The following SND1 variants were observed in gnomAD, a reference collection of about 807,000 sequenced individuals.
SND1 encodes staphylococcal nuclease and tudor domain containing 1, also known as staphylococcal nuclease domain-containing protein 1.
Under a neutral mutation model 121.7 loss-of-function variants are expected in SND1, and 38 were observed. The ratio of observed to expected loss-of-function variants is 0.31; its 90% confidence interval spans 0.24 to 0.41. SND1 has a LOEUF of 0.41. Among genes scored for constraint, SND1 ranks in the 10% least tolerant of loss-of-function variants. SND1 has a pLI of 1.00. For synonymous variants in SND1, 401 were observed against 447.4 expected (o/e 0.90, Z 1.31); for missense variants, 868 against 1,184.6 (o/e 0.73, Z 3.92).
chr7:127,754,453 A>G (rs556616999), intron 10 of SND1, among the ~76,000 whole-genome samples: 1 of 152,338 alleles, frequency 6.6e-6, no homozygotes, highest in East Asian at 1.9e-4. Flanking sequence ...TTTCTCACTC[A>G]TATGTCCATA....
At chr7:127,817,988 G>A (rs191135661) in intron 11 of SND1, among the ~76,000 whole-genome samples, 258 of 151,974 alleles carry the variant, frequency 1.7e-3, no homozygotes, top group African/African-American at 5.9e-3. Flanking sequence ...AGAAGGGGTG[G>A]GATTTGTCCT....
At chr7:127,997,949 C>G in intron 16 of SND1, 1 of 534,826 alleles carries the variant, frequency 1.9e-6, no homozygotes, top group Non-Finnish European at 3.8e-6. Flanking sequence ...TCAGTTCCCA[C>G]AGCACCCTGT....
At position 127,674,812 on chromosome 7, in the gene SND1, A is replaced by G. The variant is rs576208121; in HGVS notation, c.79-11801A>G. ...GAGCTGGGTTTATTTTTTTCCTCCA[A>G]ATTTAATGTGCTTTTCGTATTTGTC... On this transcript the variant is annotated intron_variant, in intron 1 of 23. Coordinates refer to ENST00000354725, the MANE Select transcript of SND1 (RefSeq NM_014390.4). 2.0e-5 allele frequency among the ~76,000 whole-genome samples: 3 copies of G among 152,222 alleles called. 1 individual carries two copies. The South Asian group carries it at 6.2e-4, about 32-fold the overall frequency.
chr7:127,861,972 T>A (rs543517736), intron 12 of SND1, among the ~76,000 whole-genome samples: 36 of 152,346 alleles, frequency 2.4e-4, no homozygotes, highest in African/African-American at 8.7e-4. Flanking sequence ...TTTTTGACAT[T>A]GATAGACTAT....
At chr7:127,966,189 G>A (rs1469232420) in intron 15 of SND1, among the ~76,000 whole-genome samples, 2 of 150,678 alleles carry the variant, frequency 1.3e-5, no homozygotes, top group African/African-American at 2.4e-5. Flanking sequence ...CAATTTTGTT[G>A]ATCCTTTCAA....
chr7:127,975,769 G>A (rs566101403), intron 15 of SND1, among the ~76,000 whole-genome samples: 1 of 152,270 alleles, frequency 6.6e-6, no homozygotes, highest in Non-Finnish European at 1.5e-5. Context: ...TTTTGCCCTG[G>A]CATGAGACTT....
At chr7:127,879,649 G>A (rs188441166) in intron 12 of SND1, among the ~76,000 whole-genome samples, 5 of 152,222 alleles carry the variant, frequency 3.3e-5, no homozygotes, top group Admixed American at 2.0e-4. Flanking sequence ...AATCAATATC[G>A]GAACTCTGTC....
At chr7:127,940,887 T>A (rs982451626) in intron 15 of SND1, among the ~76,000 whole-genome samples, 2 of 152,230 alleles carry the variant, frequency 1.3e-5, no homozygotes, top group African/African-American at 4.8e-5. Context: ...CTGCTGGCCT[T>A]GAGGAGGCGT....
chr7:127,991,092 G>T, intron 16 of SND1, 36 bp downstream of exon 16: 1 of 1,520,834 alleles, frequency 6.6e-7, no homozygotes, highest in East Asian at 2.3e-5. Flanking sequence ...CTGTGAGGAG[G>T]GGTGACAAAA....
Position 127,832,200 on chromosome 7 carries a change from T to C in SND1, c.1243-12124T>C, listed in dbSNP as rs115536371. On this transcript the variant is annotated intron_variant, in intron 11 of 23. Coordinates refer to ENST00000354725, the MANE Select transcript of SND1 (RefSeq NM_014390.4). ...AAATCTCAACTTGTAATTATGCATTTGTGTTAAACTACTATGAATGCAAAG... is the reference window on the plus strand; with the variant it reads ...AAATCTCAACTTGTAATTATGCATTCGTGTTAAACTACTATGAATGCAAAG... Among the ~76,000 whole-genome samples the C allele has an allele frequency of 1.2e-3, 189 of 152,368 alleles. 1 individual carries two copies. Among genetic ancestry groups the C allele is most frequent in the African/African-American group, 3.4e-3 (143 of 41,588 alleles).
At chr7:127,920,608 A>G (rs1421276443) in intron 14 of SND1, among the ~76,000 whole-genome samples, 1 of 152,160 alleles carries the variant, frequency 6.6e-6, no homozygotes, top group African/African-American at 2.4e-5. Flanking sequence ...AAGCTTTTCT[A>G]TACAGCAAGA....
chr7:127,892,763 G>A (rs1800033097), intron 13 of SND1, among the ~76,000 whole-genome samples: 1 of 152,056 alleles, frequency 6.6e-6, no homozygotes, highest in African/African-American at 2.4e-5. Context: ...ACAGTTCTGA[G>A]AGTTCCAGTG....
At chr7:127,872,919 A>G (rs1336077517) in intron 12 of SND1, among the ~76,000 whole-genome samples, 2 of 152,150 alleles carry the variant, frequency 1.3e-5, no homozygotes, top group South Asian at 4.1e-4. Flanking sequence ...TCTTTGACCA[A>G]CAACAGACCT....
chr7:127,945,219 G>A (rs955463715), intron 15 of SND1, among the ~76,000 whole-genome samples: 28 of 152,344 alleles, frequency 1.8e-4, no homozygotes, highest in African/African-American at 6.0e-4. Context: ...AAGGCTGTGC[G>A]TGGTGGCTCA....
chr7:127,682,497 T>A (rs897007378), intron 1 of SND1, among the ~76,000 whole-genome samples: 2 of 152,248 alleles, frequency 1.3e-5, no homozygotes, highest in Non-Finnish European at 2.9e-5. Flanking sequence ...ATCATTTTTC[T>A]AGAATGTCAG....
At chr7:128,030,049 G>A in intron 16 of SND1, 1 of 1,613,326 alleles carries the variant, frequency 6.2e-7, no homozygotes. Context: ...AGATACTTGA[G>A]GTTGAACAGC....
intron 16 of SND1, among the ~76,000 whole-genome samples, chr7:128,017,967 C>T (rs962637975): frequency 2.6e-5 from 4 of 152,244 alleles, no homozygotes; most frequent in Non-Finnish European, 5.9e-5. Flanking sequence ...CAAGGGCTCT[C>T]TATCCAGCAT....
chr7:127,858,338 G>T, intron 12 of SND1: 1 of 1,309,540 alleles, frequency 7.6e-7, no homozygotes, highest in Non-Finnish European at 1.1e-6. Context: ...TCCTCCTCGG[G>T]CCCCCAGATG....
intron 1 of SND1, among the ~76,000 whole-genome samples, chr7:127,677,351 A>T (rs1795633875): frequency 6.6e-6 from 1 of 152,218 alleles, no homozygotes; most frequent in Non-Finnish European, 1.5e-5. Context: ...AATAACTTTC[A>T]AAGGTCACTG....
Sources: allele counts gnomAD v4.1 joint callset (sites outside exome capture counted in the v4.1 genomes callset), GRCh38; gene constraint gnomAD v4.1.1; transcripts MANE v1.5; gene names NCBI Gene and HGNC (gene_info 2026-07-23, HGNC 2026-07-21).